Variants in CCDC134 observed in about 807,000 individuals in gnomAD.
CCDC134 encodes the protein coiled-coil domain-containing protein 134.
CCDC134 carries 27 observed loss-of-function variants against 25.6 expected under a neutral mutation model. The ratio of observed to expected loss-of-function variants is 1.05; its 90% CI spans 0.78 to 1.45. The LOEUF is 1.45. Among genes scored for constraint, CCDC134 ranks in the 40% most tolerant of loss-of-function variants. The pLI, the probability that CCDC134 is intolerant of heterozygous loss-of-function variation, is 0.00. For missense variants in CCDC134, 261 were observed against 286.7 expected, an observed-to-expected ratio of 0.91 and a Z score of 0.65; for synonymous variants, 110 against 115.0, an observed-to-expected ratio of 0.96 and a Z score of 0.28.
chr22:41,825,213 C>T lies in CCDC134; in HGVS notation c.565-485C>T, dbSNP rs1335412706. Among the ~76,000 whole-genome samples, 2 of 152,034 alleles carry T rather than the reference C, an allele frequency of 1.3e-5. No homozygotes were observed. Among genetic ancestry groups the T allele is most frequent in the Non-Finnish European group, 2.9e-5 (2 of 67,994 alleles). Reference sequence around the variant, plus strand: ...CAATCTGGAGAGAGAGGAGGGAGGACAGCCAAGGGCCTGGGTTGCAGTTGA... The same window carrying T: ...CAATCTGGAGAGAGAGGAGGGAGGATAGCCAAGGGCCTGGGTTGCAGTTGA... On this transcript the variant is annotated intron_variant, in intron 6 of 6. Coordinates refer to ENST00000255784, the MANE Select transcript of CCDC134 (RefSeq NM_024821.5). This position sits in a 1 kb window ranked among gnomAD's most constrained non-coding sequence, Gnocchi z 4.4.
rs543105149 is a variant in CCDC134 at position 41,830,190 on chromosome 22, G to C, written c.*4367G>C. Among the ~76,000 whole-genome samples the C allele has an allele frequency of 5.3e-5, 8 of 152,360 alleles. No individual in the cohort carries two copies. In the South Asian group the frequency reaches 1.7e-3, roughly 32 times the overall value. ...CCAGAGCAAGGTACCACCTGGAAGA[G>C]ATGTTCAGTTACATGGGATCCAGGG... On this transcript the variant is annotated 3_prime_UTR_variant, in exon 7 of 7. Transcript: ENST00000255784.
chr22:41,825,751 C>A lies in CCDC134; in HGVS notation c.618C>A (p.Arg206=). 6.2e-7 allele frequency: 1 copy of A among 1,614,160 alleles called. No homozygotes were observed. The highest frequency in any genetic ancestry group is 1.1e-5 in the South Asian group (1 of 91,076). The change falls in exon 7 of 7, where the codon CGC becomes CGA. Residue 206 remains arginine (R), a synonymous_variant. Transcript: ENST00000255784. This position sits in a 1 kb window ranked among gnomAD's most constrained non-coding sequence, Gnocchi z 4.4. ...FQKALREEEK[R]RKKEEKRKEI... ...AGGCCCTGAGAGAAGAAGAGAAACGCCGAAAGAAAGAGGAGAAGCGGAAGG... is the reference window on the plus strand; with the variant it reads ...AGGCCCTGAGAGAAGAAGAGAAACGACGAAAGAAAGAGGAGAAGCGGAAGG...
At position 41,830,437 on chromosome 22, in the gene CCDC134, G is replaced by A. The variant is rs1040497492; in HGVS notation, c.*4614G>A. On this transcript the variant is annotated 3_prime_UTR_variant, in exon 7 of 7. Transcript: ENST00000255784. ...GGGGTGCCCTGGGCCAGAGTGAGTTGTATGGGAGTTGTTGCTGAATCCCCC... is the reference window on the plus strand; with the variant it reads ...GGGGTGCCCTGGGCCAGAGTGAGTTATATGGGAGTTGTTGCTGAATCCCCC... Among the ~76,000 whole-genome samples the A allele has an allele frequency of 1.3e-5, 2 of 152,200 alleles. No homozygotes were observed. Among genetic ancestry groups the A allele is most frequent in the Non-Finnish European group, 2.9e-5 (2 of 68,050 alleles).
At chr22:41,816,981 G>C (rs559333111) in intron 6 of CCDC134, among the ~76,000 whole-genome samples, 1 of 152,072 alleles carries the variant, frequency 6.6e-6, no homozygotes, top group African/African-American at 2.4e-5. Flanking sequence ...TTTTTCTCCA[G>C]TTGTTGCCTA....
chr22:41,819,971 A>G (rs1445167051), intron 6 of CCDC134, among the ~76,000 whole-genome samples: 1 of 108,642 alleles, frequency 9.2e-6, no homozygotes, highest in Non-Finnish European at 1.8e-5. Context: ...CTTTATATAT[A>G]TATATATATA....
intron 5 of CCDC134, 94 bp from the exon 6 acceptor site, chr22:41,813,657 G>A: frequency 7.2e-7 from 1 of 1,395,516 alleles, no homozygotes; most frequent in Non-Finnish European, 1.0e-6. Flanking sequence ...ATCTGCCCAA[G>A]TCAGGAGTCT....
chr22:41,805,425 TAA>T, intron 1 of CCDC134, among the ~76,000 whole-genome samples: 1 of 150,498 alleles, frequency 6.6e-6, no homozygotes, highest in African/African-American at 2.5e-5. Flanking sequence ...GTCTAAAAAA[TAA>T]AAAATAAAAT....
At chr22:41,813,126 A>C (rs548027623) in intron 4 of CCDC134, 138 bp from the exon 5 acceptor site, 68 of 791,812 alleles carry the variant, frequency 8.6e-5, no homozygotes, top group Admixed American at 7.4e-4. Flanking sequence ...TGTGATTGGC[A>C]GCCTGTGGTC....
intron 6 of CCDC134, among the ~76,000 whole-genome samples, chr22:41,819,981 AT>A (rs1220819131): frequency 2.4e-5 from 3 of 127,372 alleles, no homozygotes; most frequent in Admixed American, 8.6e-5. Flanking sequence ...ATATATATAT[AT>A]ATATATATAT....
rs145351011 is a variant in CCDC134, at chr22:41,813,310, G to T, written c.357G>T (p.Val119=). The T allele has an allele frequency of 4.3e-6, 7 of 1,614,188 alleles. No homozygotes were observed. In the East Asian group the frequency reaches 1.6e-4, roughly 36 times the overall value. The change falls in exon 5 of 7, where the codon GTG becomes GTT. Residue 119 remains valine (V), a synonymous_variant. Transcript: ENST00000255784. Reference sequence around the variant, plus strand: ...ACACGGCCTTCTTCGGCGATGTGGTGCTGCGCTTCCCGAGGATTGTGCACT... The same window carrying T: ...ACACGGCCTTCTTCGGCGATGTGGTTCTGCGCTTCCCGAGGATTGTGCACT... ...VENTAFFGDV[V]LRFPRIVHYY...
chr22:41,804,021 T>C (rs2076556402), intron 1 of CCDC134, among the ~76,000 whole-genome samples: 1 of 151,918 alleles, frequency 6.6e-6, no homozygotes, highest in South Asian at 2.1e-4. Context: ...TAGTCCTAGT[T>C]ACTCGGGAGG....
rs2076674125 is a variant in CCDC134 at position 41,825,712 on chromosome 22, T to C, written c.579T>C (p.Thr193=). ...CTTCCCTTCAGTTCATTCCCAGCACTGACCCTTTCCAGAAGGCCCTGAGAG... is the reference window on the plus strand; with the variant it reads ...CTTCCCTTCAGTTCATTCCCAGCACCGACCCTTTCCAGAAGGCCCTGAGAG... ...KIDRTEFIPS[T]DPFQKALREE... The change falls in exon 7 of 7, where the codon ACT becomes ACC. Residue 193 remains threonine, a synonymous_variant. Transcript: ENST00000255784. The surrounding 1 kb of genome is among the most constrained non-coding windows in gnomAD (Gnocchi z 4.4). The C allele has an allele frequency of 6.2e-7, 1 of 1,614,066 alleles. No homozygotes were observed. Among genetic ancestry groups the C allele is most frequent in the Non-Finnish European group, 8.5e-7 (1 of 1,179,964 alleles).
intron 6 of CCDC134, among the ~76,000 whole-genome samples, chr22:41,821,477 C>G (rs909128116): frequency 1.3e-5 from 2 of 150,292 alleles, no homozygotes; most frequent in African/African-American, 4.9e-5. Flanking sequence ...CCCCTCCCCC[C>G]ACCAGTCCCC....
At chr22:41,815,189 A>ATTTTC (rs2076616670) in intron 6 of CCDC134, among the ~76,000 whole-genome samples, 1 of 139,126 alleles carries the variant, frequency 7.2e-6, no homozygotes, top group African/African-American at 2.8e-5. Flanking sequence ...TTTAACTCAA[A>ATTTTC]TTTTCTTTTC....
chr22:41,822,626 T>C (rs1380491829), intron 6 of CCDC134, among the ~76,000 whole-genome samples: 1 of 152,178 alleles, frequency 6.6e-6, no homozygotes, highest in Non-Finnish European at 1.5e-5. Flanking sequence ...CCGGCTAGGT[T>C]AGGCTGAGCC....
At chr22:41,824,269 G>A (rs772163568) in intron 6 of CCDC134, among the ~76,000 whole-genome samples, 1 of 152,174 alleles carries the variant, frequency 6.6e-6, no homozygotes, top group Admixed American at 6.5e-5. Flanking sequence ...TGGAAAGAGC[G>A]TTCTGGGCCT....
In CCDC134 at chr22:41,826,046, A is replaced by C. The variant is rs900191428; in HGVS notation, c.*223A>C. Reference sequence around the variant, plus strand: ...CTCCTGCTGAAGGGGCCTTCAGAGGATTTTATGCTGGAAATATGACCCTGT... The same window carrying C: ...CTCCTGCTGAAGGGGCCTTCAGAGGCTTTTATGCTGGAAATATGACCCTGT... On this transcript the variant is annotated 3_prime_UTR_variant, in exon 7 of 7. Transcript: ENST00000255784. 1 of 523,814 alleles carries C rather than the reference A, an allele frequency of 1.9e-6. No homozygotes were observed. The highest frequency in any genetic ancestry group is 3.2e-5 in the Admixed American group (1 of 31,216). 32.4% of individuals were successfully genotyped at this position (523,814 alleles called of 1,614,324 possible).
intron 2 of CCDC134, among the ~76,000 whole-genome samples, 173 bp downstream of exon 2, chr22:41,809,166 C>T (rs1282535896): frequency 6.6e-6 from 1 of 152,174 alleles, no homozygotes; most frequent in Non-Finnish European, 1.5e-5. Context: ...TCAGCTTCCG[C>T]GTATGGTAAA....
At chr22:41,810,927 A>G (rs746127203) in intron 4 of CCDC134, among the ~76,000 whole-genome samples, 1 of 152,200 alleles carries the variant, frequency 6.6e-6, no homozygotes, top group Non-Finnish European at 1.5e-5. Flanking sequence ...TACTTTCTAT[A>G]TGAAAGAGGA....
Sources: allele counts gnomAD v4.1 joint callset (sites outside exome capture counted in the v4.1 genomes callset), GRCh38; gene constraint gnomAD v4.1.1; non-coding constraint Gnocchi (gnomAD v3.1); transcripts MANE v1.5; gene names NCBI Gene and HGNC (gene_info 2026-07-23, HGNC 2026-07-21).